GPHN: variants seen among roughly 807,000 people sequenced by gnomAD.
The protein encoded by GPHN is gephyrin.
Under a neutral mutation model 95.5 loss-of-function variants are expected in GPHN, and 17 were observed. The ratio of observed to expected loss-of-function variants is 0.18; its 90% CI spans 0.12 to 0.27. The LOEUF (loss-of-function observed/expected upper bound fraction) is 0.27, where lower values mean the gene tolerates loss of function less well. Among genes scored for constraint, GPHN ranks in the 10% least tolerant of loss-of-function variants. The probability of loss-of-function intolerance (pLI) is 1.00; values close to 1 mark genes in which losing one functional copy is unlikely to be tolerated. For missense variants in GPHN, 660 were observed against 978.1 expected (o/e 0.67, Z 4.34); for synonymous variants, 320 against 322.5 (o/e 0.99, Z 0.08).
intron 1 of GPHN, among the ~76,000 whole-genome samples, chr14:66,605,409 G>T (rs1031678297): frequency 1.3e-5 from 2 of 151,856 alleles, no homozygotes; most frequent in Non-Finnish European, 2.9e-5. Context: ...GTGTAAGATG[G>T]TATATTGTTG....
chr14:67,596,598 C>G, the GPHN span, among the ~76,000 whole-genome samples: 1 of 152,124 alleles, frequency 6.6e-6, no homozygotes, highest in Admixed American at 6.5e-5. Context: ...TAGTCAGGTT[C>G]CTCTAAGCTG....
the GPHN span, among the ~76,000 whole-genome samples, chr14:67,482,249 T>C: frequency 1.3e-5 from 2 of 152,056 alleles, no homozygotes; most frequent in Non-Finnish European, 2.9e-5. Flanking sequence ...TTCCACAGGG[T>C]GGCAGGGGAC....
chr14:67,517,505 T>G, the GPHN span, among the ~76,000 whole-genome samples: 1 of 152,280 alleles, frequency 6.6e-6, no homozygotes, highest in African/African-American at 2.4e-5. Context: ...ATATATAATA[T>G]TAATATTTTC....
the GPHN span, chr14:67,441,926 T>C: frequency 6.5e-6 from 1 of 153,812 alleles, no homozygotes; most frequent in African/African-American, 2.4e-5. Flanking sequence ...TGATCTGCAG[T>C]TGGCTATAAA....
At chr14:66,510,702 G>A (rs1283852179) in intron 1 of GPHN, among the ~76,000 whole-genome samples, 1 of 152,164 alleles carries the variant, frequency 6.6e-6, no homozygotes, top group Non-Finnish European at 1.5e-5. Context: ...TCAATTTTAA[G>A]GGGAGTTGAA....
intron 1 of GPHN, among the ~76,000 whole-genome samples, chr14:66,657,637 A>C (rs2065381090): frequency 6.6e-6 from 1 of 152,186 alleles, no homozygotes; most frequent in African/African-American, 2.4e-5. Context: ...AATTATGCTG[A>C]ATTTACTCTT....
chr14:67,399,487 T>G, the GPHN span, among the ~76,000 whole-genome samples: 1 of 142,628 alleles, frequency 7.0e-6, no homozygotes, highest in African/African-American at 2.7e-5. Flanking sequence ...TAGGTGGCTG[T>G]CAGGTGGCAG....
At chr14:66,574,975 G>A (rs1244683817) in intron 1 of GPHN, among the ~76,000 whole-genome samples, 1 of 152,164 alleles carries the variant, frequency 6.6e-6, no homozygotes, top group Non-Finnish European at 1.5e-5. Context: ...ATGACCTGTT[G>A]TAGGATTTTT....
the GPHN span, among the ~76,000 whole-genome samples, chr14:67,214,020 T>C: frequency 6.6e-6 from 1 of 152,220 alleles, no homozygotes; most frequent in Non-Finnish European, 1.5e-5. Flanking sequence ...TTGTTTGTTT[T>C]TTTCTTGTAA....
the GPHN span, chr14:67,648,280 G>T: frequency 7.1e-7 from 1 of 1,403,754 alleles, no homozygotes; most frequent in Non-Finnish European, 9.6e-7. Flanking sequence ...CCACATCATT[G>T]CAGAGTTTGT....
intron 18 of GPHN, among the ~76,000 whole-genome samples, chr14:67,147,393 G>A (rs749233600): frequency 3.3e-5 from 5 of 152,220 alleles, no homozygotes; most frequent in Admixed American, 1.3e-4. Flanking sequence ...CTCTGTGGAT[G>A]ACAAATACTT....
rs1171024713 is a variant in GPHN at position 66,517,126 on chromosome 14, CAAAAAAAAAAAAAAAA to C, written c.64+8546_64+8561del. ...CTGGCCACACAGTGAGACTCCATCTCAAAAAAAAAAAAAAAAAAAAAAAAAAGAAGAAACTGAATAG... is the reference window on the plus strand; with the variant it reads ...CTGGCCACACAGTGAGACTCCATCTCAAAAAAAAAAGAAGAAACTGAATAG... On this transcript the variant is annotated intron_variant, in intron 1 of 22. Transcript: ENST00000478722. Among the ~76,000 whole-genome samples, 4 of 31,004 alleles carry C rather than the reference CAAAAAAAAAAAAAAAA, an allele frequency of 1.3e-4. No homozygotes were observed. In the South Asian group the frequency reaches 4.9e-3, roughly 38 times the overall value. 20.3% of individuals were successfully genotyped at this position (31,004 alleles called of 152,430 possible). A position where few individuals can be genotyped will look rare whatever the true frequency, so the allele number is the denominator to read the frequency against.
At chr14:67,148,681 C>T (rs972487797) in intron 18 of GPHN, among the ~76,000 whole-genome samples, 1 of 151,638 alleles carries the variant, frequency 6.6e-6, no homozygotes, top group Non-Finnish European at 1.5e-5. Context: ...CCACCTCAGC[C>T]TCCCGAGTAG....
the GPHN span, chr14:67,340,326 T>G: frequency 1.2e-6 from 1 of 858,994 alleles, no homozygotes; most frequent in Non-Finnish European, 1.9e-6. Flanking sequence ...TTTATCAGAA[T>G]AAAACATAAG....
intron 1 of GPHN, among the ~76,000 whole-genome samples, chr14:66,616,534 G>A (rs558415836): frequency 1.3e-5 from 2 of 151,884 alleles, no homozygotes; most frequent in African/African-American, 2.4e-5. Flanking sequence ...GTTTGCTCCC[G>A]TGCCTGGAGA....
At chr14:66,667,137 T>G (rs2066011078) in intron 1 of GPHN, among the ~76,000 whole-genome samples, 1 of 151,996 alleles carries the variant, frequency 6.6e-6, no homozygotes, top group Admixed American at 6.6e-5. Context: ...AAATCAGAAA[T>G]TACACAAAGA....
chr14:67,648,285 G>A, the GPHN span: 1 of 1,333,000 alleles, frequency 7.5e-7, no homozygotes, highest in Non-Finnish European at 1.0e-6. Context: ...TCATTGCAGA[G>A]TTTGTTTTTG....
chr14:67,244,269 A>G, the GPHN span, among the ~76,000 whole-genome samples: 1 of 152,208 alleles, frequency 6.6e-6, no homozygotes, highest in Non-Finnish European at 1.5e-5. Flanking sequence ...ATACCTACCT[A>G]TAAGTGGAAT....
At chr14:67,690,304 T>C in the GPHN span, 29 of 1,614,068 alleles carry the variant, frequency 1.8e-5, 1 homozygote, top group African/African-American at 8.0e-5. Context: ...TTTCTCGCCC[T>C]GCAGGTTATG....
Sources: gnomAD v4.1 joint callset for allele counts (sites outside exome capture counted in the v4.1 genomes callset) on GRCh38, gnomAD v4.1.1 for gene constraint, MANE v1.5 for transcripts, NCBI Gene and HGNC (gene_info 2026-07-23, HGNC 2026-07-21) for gene names.